Variants in GRIK3 observed in about 807,000 individuals in gnomAD.
GRIK3 encodes glutamate receptor ionotropic, kainate 3.
GRIK3 carries 29 observed loss-of-function variants against 102.5 expected under a neutral mutation model. The ratio of observed to expected loss-of-function variants is 0.28; its 90% CI spans 0.21 to 0.39. The LOEUF is 0.39. GRIK3 is among the 10% of genes least tolerant of loss of function. The probability of loss-of-function intolerance (pLI) is 1.00; values close to 1 mark genes in which losing one functional copy is unlikely to be tolerated. For missense variants in GRIK3, 908 were observed against 1,252.4 expected, an observed-to-expected ratio of 0.73 and a Z score of 4.15; for synonymous variants, 511 against 504.9, an observed-to-expected ratio of 1.01 and a Z score of -0.16.
chr1:36,838,513 G>A (rs1640409061), intron 10 of GRIK3, among the ~76,000 whole-genome samples: 1 of 152,144 alleles, frequency 6.6e-6, no homozygotes. Context: ...GTGACTTGCG[G>A]CAGGCGAGTG....
At chr1:36,881,621 C>T (rs976848235) in intron 2 of GRIK3, among the ~76,000 whole-genome samples, 6 of 152,178 alleles carry the variant, frequency 3.9e-5, no homozygotes, top group African/African-American at 1.2e-4. Flanking sequence ...TGGTCCAAGC[C>T]GCCATCATCT....
chr1:36,917,742 A>G (rs1016264327), intron 1 of GRIK3, among the ~76,000 whole-genome samples: 1 of 152,180 alleles, frequency 6.6e-6, no homozygotes, highest in Non-Finnish European at 1.5e-5. Flanking sequence ...GCCCAGTCTC[A>G]GGTATGTTTT....
Position 36,996,054 on chromosome 1 carries a change from C to T in GRIK3, c.115+37940G>A, listed in dbSNP as rs1317427606. Among the ~76,000 whole-genome samples, 3 of 152,228 alleles carry T rather than the reference C, an allele frequency of 2.0e-5. No homozygotes were observed. The South Asian group carries it at 6.2e-4, about 32-fold the overall frequency. On this transcript the variant is annotated intron_variant, in intron 1 of 15. Coordinates refer to ENST00000373091, the MANE Select transcript of GRIK3 (RefSeq NM_000831.4). ...TCTGGTGGCCCGAGATCCTCCACCACCTGCCTCTGTGTTAGCCTGTGGTCA... is the reference window on the plus strand; with the variant it reads ...TCTGGTGGCCCGAGATCCTCCACCATCTGCCTCTGTGTTAGCCTGTGGTCA...
intron 1 of GRIK3, among the ~76,000 whole-genome samples, chr1:37,023,070 T>C (rs879443472): frequency 6.6e-6 from 1 of 152,180 alleles, no homozygotes; most frequent in Admixed American, 6.5e-5. Context: ...GGCTCACGTC[T>C]GTAATCTGAG....
chr1:36,933,195 G>A (rs1400261731), intron 1 of GRIK3, among the ~76,000 whole-genome samples: 1 of 152,120 alleles, frequency 6.6e-6, no homozygotes, highest in Non-Finnish European at 1.5e-5. Context: ...AGGTGACTAC[G>A]CCCAGCAGCT....
At chr1:36,837,931 G>T (rs886698023) in intron 10 of GRIK3, among the ~76,000 whole-genome samples, 8 of 152,232 alleles carry the variant, frequency 5.3e-5, no homozygotes, top group African/African-American at 1.7e-4. Flanking sequence ...ATGTGAGTCA[G>T]CTCCTCGAGG....
intron 5 of GRIK3, among the ~76,000 whole-genome samples, chr1:36,861,265 T>C (rs1272424836): frequency 6.6e-6 from 1 of 152,212 alleles, no homozygotes. Context: ...TTGAAATATA[T>C]ACTTGCACAG....
chr1:37,029,478 G>A (rs1163644468), intron 1 of GRIK3, among the ~76,000 whole-genome samples: 1 of 152,236 alleles, frequency 6.6e-6, no homozygotes, highest in Non-Finnish European at 1.5e-5. Flanking sequence ...AGAGACAGGG[G>A]CAGCTGCTGT....
At chr1:36,889,341 A>G (rs1641076930) in intron 2 of GRIK3, among the ~76,000 whole-genome samples, 1 of 151,668 alleles carries the variant, frequency 6.6e-6, no homozygotes, top group African/African-American at 2.4e-5. Flanking sequence ...CAGAGGTGGG[A>G]GGAAGCATGG....
At chr1:36,942,069 T>A (rs1641726995) in intron 1 of GRIK3, among the ~76,000 whole-genome samples, 1 of 152,184 alleles carries the variant, frequency 6.6e-6, no homozygotes, top group Non-Finnish European at 1.5e-5. Context: ...GAGCTCCAAG[T>A]TCAGTCCAGG....
In GRIK3 at chr1:36,850,149, C is replaced by A. The variant is rs141329360; in HGVS notation, c.1326+162G>T. On this transcript the variant is annotated intron_variant, in intron 9 of 15. Coordinates refer to ENST00000373091, the MANE Select transcript of GRIK3 (RefSeq NM_000831.4). This position sits in a 1 kb window ranked among gnomAD's most constrained non-coding sequence, Gnocchi z 4.0. ...CCCGTGGCAGCGAGCAGCGCTGCTG[C>A]GCTCCAGCTGCTCTCTGAGAACTTC... 1 of 600,802 alleles carries A rather than the reference C, an allele frequency of 1.7e-6. No individual in the cohort carries two copies. Among genetic ancestry groups the A allele is most frequent in the Non-Finnish European group, 3.0e-6 (1 of 336,654 alleles). 37.2% of individuals were successfully genotyped at this position (600,802 alleles called of 1,614,324 possible).
At position 36,982,547 on chromosome 1, in the gene GRIK3, C is replaced by T. The variant is rs144534412; in HGVS notation, c.115+51447G>A. ...AGAATAGATGTGCATATGAACAATTCGTGGATTCAAGCTGGAGAAGAAGCA... is the reference window on the plus strand; with the variant it reads ...AGAATAGATGTGCATATGAACAATTTGTGGATTCAAGCTGGAGAAGAAGCA... On this transcript the variant is annotated intron_variant, in intron 1 of 15. Coordinates refer to ENST00000373091, the MANE Select transcript of GRIK3 (RefSeq NM_000831.4). 6.8e-3 allele frequency among the ~76,000 whole-genome samples: 1,033 copies of T among 152,258 alleles called. 3 individuals carry two copies. Among genetic ancestry groups the T allele is most frequent in the Non-Finnish European group, 0.012 (813 of 68,022 alleles).
intron 13 of GRIK3, among the ~76,000 whole-genome samples, chr1:36,807,749 C>T (rs1397516707): frequency 6.6e-6 from 1 of 152,148 alleles, no homozygotes; most frequent in Non-Finnish European, 1.5e-5. Flanking sequence ...ACAGGCAGGA[C>T]CCCTTAGAAT....
chr1:36,940,998 T>A (rs1189665808), intron 1 of GRIK3, among the ~76,000 whole-genome samples: 1 of 152,230 alleles, frequency 6.6e-6, no homozygotes, highest in Non-Finnish European at 1.5e-5. Context: ...ATGTTTGCCA[T>A]GTGTATTGGG....
In GRIK3 at chr1:36,962,565, A is replaced by G. The variant is rs1642023609; in HGVS notation, c.115+71429T>C. Among the ~76,000 whole-genome samples, 4 of 151,564 alleles carry G rather than the reference A, an allele frequency of 2.6e-5. No homozygotes were observed. The South Asian group carries it at 8.4e-4, about 32-fold the overall frequency. ...AAGCCAGGGCCCTGGGTTTGTGTGC[A>G]GTGGGGCCTGAGGCGAGCAAGCAGA... On this transcript the variant is annotated intron_variant, in intron 1 of 15. Coordinates refer to ENST00000373091, the MANE Select transcript of GRIK3 (RefSeq NM_000831.4).
At chr1:36,965,565 G>T (rs1226582299) in intron 1 of GRIK3, among the ~76,000 whole-genome samples, 1 of 152,144 alleles carries the variant, frequency 6.6e-6, no homozygotes, top group Non-Finnish European at 1.5e-5. Context: ...TGGGGGGAGA[G>T]AGGTCCCAGG....
chr1:37,033,968 G>A lies in GRIK3; in HGVS notation c.115+26C>T, dbSNP rs1294967935. ...TCCCGCCCCCTCCCGGGCGCACGGA[G>A]ACCCCCGGCTCCAGGGAGCGCTTAC... On this transcript the variant is annotated intron_variant, in intron 1 of 15. Transcript: ENST00000373091. 4 of 1,377,128 alleles carry A rather than the reference G, an allele frequency of 2.9e-6. No homozygotes were observed. The African/African-American group carries it at 4.4e-5, about 15-fold the overall frequency. The allele number at this position is 1,377,128 out of a possible 1,614,324, so 85.3% of individuals were successfully genotyped here. A position where few individuals can be genotyped will look rare whatever the true frequency, so the allele number is the denominator to read the frequency against.
In GRIK3 at chr1:36,795,823, TC is replaced by T. The variant is rs1451723356; in HGVS notation, c.*6027del. 6.6e-6 allele frequency: 1 copy of T among 152,094 alleles called. No individual in the cohort carries two copies. The highest frequency in any genetic ancestry group is 1.5e-5 in the Non-Finnish European group (1 of 68,036). 9.4% of individuals were successfully genotyped at this position (152,094 alleles called of 1,614,324 possible). On this transcript the variant is annotated 3_prime_UTR_variant, in exon 16 of 16. Transcript: ENST00000373091. ...CCATGTTGAGTGGGAGTGGGGGGCG[TC>T]CAGGCACTCTGGTCTGGGTGGTGGG... is the stretch of plus-strand genomic sequence containing the variant.
At chr1:36,966,700 A>G (rs539024997) in intron 1 of GRIK3, among the ~76,000 whole-genome samples, 2 of 151,684 alleles carry the variant, frequency 1.3e-5, no homozygotes, top group South Asian at 2.1e-4. Flanking sequence ...TGAATCCTTG[A>G]TGGATTTAAT....
Sources: gnomAD v4.1 joint callset for allele counts (sites outside exome capture counted in the v4.1 genomes callset) on GRCh38, gnomAD v4.1.1 for gene constraint, Gnocchi (gnomAD v3.1) non-coding constraint, MANE v1.5 for transcripts, NCBI Gene and HGNC (gene_info 2026-07-23, HGNC 2026-07-21) for gene names.